The following IQCH variants were observed in gnomAD, a reference collection of about 807,000 sequenced individuals.
The protein encoded by IQCH is IQ motif containing H.
In IQCH, 98 loss-of-function variants were observed where a neutral mutation model predicts 117.0. That is an observed-to-expected ratio of 0.84 (90% CI 0.71 to 0.99). The LOEUF (loss-of-function observed/expected upper bound fraction) is 0.99. Among genes scored for constraint, IQCH ranks in the 50% least tolerant of loss-of-function variants. The pLI, the probability that IQCH is intolerant of heterozygous loss-of-function variation, is 0.00. For missense variants in IQCH, 1,102 were observed against 1,243.8 expected (o/e 0.89, Z 1.72); for synonymous variants, 412 against 448.2 (o/e 0.92, Z 1.02).
intron 18 of IQCH, among the ~76,000 whole-genome samples, chr15:67,483,297 A>C (rs978723309): frequency 1.3e-5 from 2 of 152,204 alleles, no homozygotes; most frequent in Non-Finnish European, 2.9e-5. Context: ...GAGGTGGATC[A>C]CTTGAGGCCA....
intron 4 of IQCH, among the ~76,000 whole-genome samples, chr15:67,287,470 T>A (rs1237781100): frequency 3.9e-5 from 6 of 152,188 alleles, no homozygotes; most frequent in African/African-American, 1.2e-4. Context: ...TTGTTCAGAT[T>A]TTGGATTTCT....
At chr15:67,495,058 A>T (rs975353818) in intron 20 of IQCH, among the ~76,000 whole-genome samples, 1 of 152,254 alleles carries the variant, frequency 6.6e-6, no homozygotes, top group African/African-American at 2.4e-5. Flanking sequence ...ACAGCAAGGT[A>T]TGAATCTGAT....
chr15:67,370,558 A>C lies in IQCH; in HGVS notation c.754-1553A>C, dbSNP rs1472707516. ...AGGAGTGGCAGCCTCTCCTGCCAGC[A>C]CTGGTGGCTGCTGAAGGGGGCATTA... is the stretch of plus-strand genomic sequence containing the variant. On this transcript the variant is annotated intron_variant, in intron 8 of 20. Transcript: ENST00000335894. This position sits in a 1 kb window ranked among gnomAD's most constrained non-coding sequence, Gnocchi z 5.6. Among the ~76,000 whole-genome samples, 1 of 152,204 alleles carries C rather than the reference A, an allele frequency of 6.6e-6. No individual in the cohort carries two copies. Among genetic ancestry groups the C allele is most frequent in the Non-Finnish European group, 1.5e-5 (1 of 68,032 alleles).
At position 67,436,241 on chromosome 15, in the gene IQCH, G is replaced by A. The variant is rs2082133632; in HGVS notation, c.2505+14664G>A. On this transcript the variant is annotated intron_variant, in intron 16 of 20. Coordinates refer to ENST00000335894, the MANE Select transcript of IQCH (RefSeq NM_001031715.3). The surrounding 1 kb of genome is among the most constrained non-coding windows in gnomAD (Gnocchi z 5.1). ...CCAGGAGACACCCCAAATACTGTGA[G>A]TGCCCCAACTGCGGAAGTAGGAAAG... 6.6e-6 allele frequency among the ~76,000 whole-genome samples: 1 copy of A among 152,148 alleles called. No individual in the cohort carries two copies. Among genetic ancestry groups the A allele is most frequent in the Non-Finnish European group, 1.5e-5 (1 of 68,040 alleles).
At chr15:67,444,440 T>G (rs2082348477) in intron 16 of IQCH, among the ~76,000 whole-genome samples, 2 of 152,154 alleles carry the variant, frequency 1.3e-5, no homozygotes, top group Non-Finnish European at 2.9e-5. Flanking sequence ...CCAAACCACT[T>G]TCTACAAGTA....
intron 18 of IQCH, among the ~76,000 whole-genome samples, chr15:67,484,319 T>C (rs959834610): frequency 6.6e-6 from 1 of 151,576 alleles, no homozygotes; most frequent in Non-Finnish European, 1.5e-5. Context: ...GGTGGGAGAA[T>C]CTCTTAGGCC....
intron 3 of IQCH, among the ~76,000 whole-genome samples, chr15:67,275,034 G>T (rs1305912089): frequency 6.6e-6 from 1 of 152,164 alleles, no homozygotes; most frequent in East Asian, 1.9e-4. Context: ...CTACAGCATG[G>T]TACTGCCACT....
intron 16 of IQCH, among the ~76,000 whole-genome samples, chr15:67,421,981 T>G (rs1309382382): frequency 6.6e-6 from 1 of 151,820 alleles, no homozygotes; most frequent in African/African-American, 2.4e-5. Flanking sequence ...CACCTGTAAT[T>G]CCAGCTACTT....
At chr15:67,483,434 T>C (rs2083390257) in intron 18 of IQCH, among the ~76,000 whole-genome samples, 3 of 152,186 alleles carry the variant, frequency 2.0e-5, no homozygotes, top group Non-Finnish European at 4.4e-5. Flanking sequence ...CAAGAATCAT[T>C]TGAACCCAGA....
rs1237620895 is a variant in IQCH, at chr15:67,483,131, C to A, written c.2800-6872C>A. On this transcript the variant is annotated intron_variant, in intron 18 of 20. Coordinates refer to ENST00000335894, the MANE Select transcript of IQCH (RefSeq NM_001031715.3). ...TGACCATGACAAGGTAGCTTGTAAC[C>A]AACTAACTGTCACTAAAAATGATTA... Among the ~76,000 whole-genome samples, 12 of 152,214 alleles carry A rather than the reference C, an allele frequency of 7.9e-5. No individual in the cohort carries two copies. The South Asian group carries it at 2.5e-3, about 32-fold the overall frequency.
In IQCH at chr15:67,426,066, A is replaced by C. The variant is rs1192216636; in HGVS notation, c.2505+4489A>C. Reference sequence around the variant, plus strand: ...AGCATGTCTTACTTTCTGACACAATAAGATGTTCCAGGCTCATTTTCTATT... The same window carrying C: ...AGCATGTCTTACTTTCTGACACAATCAGATGTTCCAGGCTCATTTTCTATT... On this transcript the variant is annotated intron_variant, in intron 16 of 20. Transcript: ENST00000335894. The surrounding 1 kb of genome is among the most constrained non-coding windows in gnomAD (Gnocchi z 5.1). Among the ~76,000 whole-genome samples, 2 of 152,144 alleles carry C rather than the reference A, an allele frequency of 1.3e-5. No homozygotes were observed. Among genetic ancestry groups the C allele is most frequent in the Non-Finnish European group, 1.5e-5 (1 of 68,020 alleles).
chr15:67,425,932 G>A lies in IQCH; in HGVS notation c.2505+4355G>A, dbSNP rs1246552469. ...GGGTTTCTATTTTATTTAATGGGTT[G>A]TATTTTGATACTTTCATTGTTTTGA... On this transcript the variant is annotated intron_variant, in intron 16 of 20. Transcript: ENST00000335894. This position sits in a 1 kb window ranked among gnomAD's most constrained non-coding sequence, Gnocchi z 5.5. Among the ~76,000 whole-genome samples the A allele has an allele frequency of 6.6e-6, 1 of 152,148 alleles. No individual in the cohort carries two copies. Among genetic ancestry groups the A allele is most frequent in the Non-Finnish European group, 1.5e-5 (1 of 68,014 alleles).
At chr15:67,351,900 T>A (rs1969678328) in intron 6 of IQCH, among the ~76,000 whole-genome samples, 1 of 152,090 alleles carries the variant, frequency 6.6e-6, no homozygotes, top group South Asian at 2.1e-4. Context: ...TATAGCTGAA[T>A]TTAAAAAAAA....
In IQCH at chr15:67,356,204, A is replaced by T. The variant is rs926460105; in HGVS notation, c.638-1141A>T. 6.6e-6 allele frequency among the ~76,000 whole-genome samples: 1 copy of T among 152,196 alleles called. No homozygotes were observed. The highest frequency in any genetic ancestry group is 1.5e-5 in the Non-Finnish European group (1 of 68,040). ...GGACACCAGGGAAGGAGAGCATAGAACTGAAGGCAAAAACTATACCCTTAA... is the reference window on the plus strand; with the variant it reads ...GGACACCAGGGAAGGAGAGCATAGATCTGAAGGCAAAAACTATACCCTTAA... On this transcript the variant is annotated intron_variant, in intron 6 of 20. Transcript: ENST00000335894. The surrounding 1 kb of genome is among the most constrained non-coding windows in gnomAD (Gnocchi z 5.3).
chr15:67,418,921 G>C (rs2081652289), intron 15 of IQCH, among the ~76,000 whole-genome samples: 1 of 151,636 alleles, frequency 6.6e-6, no homozygotes, highest in South Asian at 2.1e-4. Flanking sequence ...GGAAGACCAT[G>C]ATGATCTCCA....
rs905552426 is a variant in IQCH, at chr15:67,459,661, C to G, written c.2506-5466C>G. The G allele has an allele frequency of 6.6e-6, 1 of 152,392 alleles. No individual in the cohort carries two copies. Among genetic ancestry groups the G allele is most frequent in the African/African-American group, 2.4e-5 (1 of 41,456 alleles). The allele number at this position is 152,392 out of a possible 1,614,324, so 9.4% of individuals were successfully genotyped here. The stretch of plus-strand genomic sequence containing the variant: ...AACAATCTGGGCAAGCTGACCTTTG[C>G]CTGACTCCTGCCCTGTCTGCTGGCT... On this transcript the variant is annotated intron_variant, in intron 16 of 20. Coordinates refer to ENST00000335894, the MANE Select transcript of IQCH (RefSeq NM_001031715.3). This position sits in a 1 kb window ranked among gnomAD's most constrained non-coding sequence, Gnocchi z 4.2.
In IQCH at chr15:67,500,860, G is replaced by A. The variant is rs927309911; in HGVS notation, c.*114G>A. On this transcript the variant is annotated 3_prime_UTR_variant, in exon 21 of 21. Transcript: ENST00000335894. This position sits in a 1 kb window ranked among gnomAD's most constrained non-coding sequence, Gnocchi z 4.4. The stretch of plus-strand genomic sequence containing the variant: ...ATTGGTTTGCTTTGTGTGCTAGGAG[G>A]TGAATCAGAACAGATTATAATGAAA... 4 of 556,596 alleles carry A rather than the reference G, an allele frequency of 7.2e-6. No individual in the cohort carries two copies. The highest frequency in any genetic ancestry group is 1.3e-5 in the Non-Finnish European group (4 of 309,894). 34.5% of individuals were successfully genotyped at this position (556,596 alleles called of 1,614,324 possible).
At chr15:67,318,960 C>T (rs1967980922) in intron 4 of IQCH, among the ~76,000 whole-genome samples, 1 of 152,190 alleles carries the variant, frequency 6.6e-6, no homozygotes, top group South Asian at 2.1e-4. Context: ...GGTGTGGAGG[C>T]TCACGCCTGT....
intron 4 of IQCH, among the ~76,000 whole-genome samples, chr15:67,292,574 C>T (rs1966788662): frequency 6.6e-6 from 1 of 152,086 alleles, no homozygotes. Context: ...CCCAAAAAGA[C>T]TAAAACAGTA....
Sources: gnomAD v4.1 joint callset for allele counts (sites outside exome capture counted in the v4.1 genomes callset) on GRCh38, gnomAD v4.1.1 for gene constraint, Gnocchi (gnomAD v3.1) non-coding constraint, MANE v1.5 for transcripts, NCBI Gene and HGNC (gene_info 2026-07-23, HGNC 2026-07-21) for gene names.